PLCB4: variants seen among roughly 807,000 people sequenced by gnomAD.
PLCB4 encodes the protein 1-phosphatidylinositol 4,5-bisphosphate phosphodiesterase beta-4.
In PLCB4, 77 loss-of-function variants were observed where a neutral mutation model predicts 178.8. The ratio of observed to expected loss-of-function variants is 0.43; its 90% CI spans 0.36 to 0.52. The LOEUF (loss-of-function observed/expected upper bound fraction) is 0.52. Among genes scored for constraint, PLCB4 ranks in the 20% least tolerant of loss-of-function variants. The probability of loss-of-function intolerance (pLI) is 0.00; values close to 1 mark genes in which losing one functional copy is unlikely to be tolerated. For synonymous variants in PLCB4, 496 were observed against 490.8 expected, an observed-to-expected ratio of 1.01 and a Z score of -0.14; for missense variants, 1,024 against 1,453.4, an observed-to-expected ratio of 0.70 and a Z score of 4.80.
At chr20:9,085,146 A>G (rs2090348200) in intron 1 of PLCB4, among the ~76,000 whole-genome samples, 1 of 152,022 alleles carries the variant, frequency 6.6e-6, no homozygotes, top group Non-Finnish European at 1.5e-5. Context: ...TTTATTAGTT[A>G]GGTAATGCAT....
At chr20:9,416,487 C>T (rs1439001864) in intron 25 of PLCB4, among the ~76,000 whole-genome samples, 2 of 152,190 alleles carry the variant, frequency 1.3e-5, no homozygotes, top group Non-Finnish European at 2.9e-5. Flanking sequence ...GCCAGACCCA[C>T]CATTGTTACC....
At chr20:9,311,421 C>A (rs1169005512) in intron 4 of PLCB4, among the ~76,000 whole-genome samples, 2 of 152,266 alleles carry the variant, frequency 1.3e-5, no homozygotes, top group Non-Finnish European at 2.9e-5. Flanking sequence ...CACACCAAGA[C>A]AACTTTAAGA....
At chr20:9,218,548 T>G (rs1041824740) in intron 3 of PLCB4, among the ~76,000 whole-genome samples, 1 of 152,212 alleles carries the variant, frequency 6.6e-6, no homozygotes, top group African/African-American at 2.4e-5. Flanking sequence ...TCCTGGAGGA[T>G]CTGTTCCTCT....
Position 9,151,991 on chromosome 20 carries a change from A to G in PLCB4, c.-79+55649A>G, listed in dbSNP as rs181836822. Among the ~76,000 whole-genome samples the G allele has an allele frequency of 9.2e-5, 14 of 152,286 alleles. No homozygotes were observed. In the East Asian group the frequency reaches 2.7e-3, roughly 30 times the overall value. ...GGTGACTCTTATTATGTTTTGGCAA[A>G]GAGAATGGCAGCATTTTGCCCCTGC... On this transcript the variant is annotated intron_variant, in intron 2 of 39. Coordinates refer to ENST00000378473, the MANE Select transcript of PLCB4 (RefSeq NM_001377142.1).
At chr20:9,403,255 G>A (rs58644125) in intron 20 of PLCB4, among the ~76,000 whole-genome samples, 1,690 of 152,232 alleles carry the variant, frequency 0.011, 21 homozygotes, top group African/African-American at 0.032. Context: ...TCAAAAGATC[G>A]TATTTGAAAC....
intron 3 of PLCB4, among the ~76,000 whole-genome samples, chr20:9,246,132 C>T (rs2094122945): frequency 6.6e-6 from 1 of 152,140 alleles, no homozygotes; most frequent in East Asian, 1.9e-4. Context: ...TATTACAGTA[C>T]TGTTAAACAC....
intron 3 of PLCB4, among the ~76,000 whole-genome samples, chr20:9,298,781 A>G (rs1326870246): frequency 6.6e-6 from 1 of 152,084 alleles, no homozygotes; most frequent in East Asian, 1.9e-4. Flanking sequence ...CCCCTCAATT[A>G]TGATTAATAT....
chr20:9,421,484 A>C (rs1482374483), intron 27 of PLCB4, 23 bp downstream of exon 27: 1 of 1,598,394 alleles, frequency 6.3e-7, no homozygotes, highest in Admixed American at 1.7e-5. Flanking sequence ...CAGCACGTCA[A>C]ACTTACTCTA....
At chr20:9,111,316 A>G (rs1404293233) in intron 2 of PLCB4, among the ~76,000 whole-genome samples, 1 of 152,134 alleles carries the variant, frequency 6.6e-6, no homozygotes, top group African/African-American at 2.4e-5. Context: ...TGTTTGTTTT[A>G]CGAAATTGAG....
intron 25 of PLCB4, among the ~76,000 whole-genome samples, chr20:9,414,273 C>G (rs542586143): frequency 6.6e-6 from 1 of 152,320 alleles, no homozygotes; most frequent in South Asian, 2.1e-4. Flanking sequence ...AATTCCCCTT[C>G]CCATACACCC....
Position 9,401,560 on chromosome 20 carries a change from C to T in PLCB4, c.1581C>T (p.His527=). Residue 527 remains histidine (H), a synonymous_variant, in exon 20 of 40, where the codon CAC becomes CAT. Transcript: ENST00000378473. ...GNELSADDLG[H]KEAVANSVKK... ...AACTTTCTGCTGATGACTTGGGTCA[C>T]AAGGAAGCTGTTGCAAATAGCGTCA... is the stretch of plus-strand genomic sequence containing the variant. The T allele has an allele frequency of 3.1e-6, 5 of 1,613,468 alleles. No individual in the cohort carries two copies. Among genetic ancestry groups the T allele is most frequent in the Middle Eastern group, 1.6e-4 (1 of 6,062 alleles).
intron 4 of PLCB4, among the ~76,000 whole-genome samples, chr20:9,327,171 G>T (rs1435960899): frequency 6.6e-6 from 1 of 152,054 alleles, no homozygotes; most frequent in Non-Finnish European, 1.5e-5. Context: ...AGGTGCAGTG[G>T]CTCATGCTTA....
chr20:9,229,730 G>A (rs903676287), intron 3 of PLCB4, among the ~76,000 whole-genome samples: 5 of 151,880 alleles, frequency 3.3e-5, no homozygotes, highest in South Asian at 2.1e-4. Context: ...GGGCATATGT[G>A]CAGGATGTGC....
At position 9,355,372 on chromosome 20, in the gene PLCB4, C is replaced by A. The variant is rs8116707; in HGVS notation, c.370-7524C>A. 3.8e-3 allele frequency among the ~76,000 whole-genome samples: 574 copies of A among 151,900 alleles called. 8 individuals carry two copies. The highest frequency in any genetic ancestry group is 0.013 in the African/African-American group (555 of 41,388). On this transcript the variant is annotated intron_variant, in intron 7 of 39. Coordinates refer to ENST00000378473, the MANE Select transcript of PLCB4 (RefSeq NM_001377142.1). ...GGTTAGTTACATATGTATACATGTA[C>A]CATGCTGGTGTGCTGCACCCATTAA...
intron 3 of PLCB4, among the ~76,000 whole-genome samples, chr20:9,219,080 A>C (rs2093766776): frequency 6.6e-6 from 1 of 152,250 alleles, no homozygotes; most frequent in South Asian, 2.1e-4. Context: ...AGTCCAAAAA[A>C]AGAACCCCAG....
intron 6 of PLCB4, among the ~76,000 whole-genome samples, chr20:9,338,667 G>A (rs1175862926): frequency 6.6e-6 from 1 of 152,082 alleles, no homozygotes; most frequent in Non-Finnish European, 1.5e-5. Context: ...ACAGAGCAGA[G>A]ACTCTGTACC....
intron 19 of PLCB4, among the ~76,000 whole-genome samples, chr20:9,400,516 T>C (rs73895795): frequency 0.077 from 11,737 of 152,176 alleles, 1,452 homozygotes; most frequent in African/African-American, 0.26. Flanking sequence ...TCATTTCCTT[T>C]CTGAATTTCT....
At chr20:9,313,423 G>A (rs2094859829) in intron 4 of PLCB4, among the ~76,000 whole-genome samples, 1 of 152,196 alleles carries the variant, frequency 6.6e-6, no homozygotes, top group African/African-American at 2.4e-5. Context: ...AAGAGGGAAG[G>A]TTGGTAGTTG....
rs1454691480 is a variant in PLCB4, at chr20:9,459,717, A to G, written c.3155A>G (p.Asp1052Gly). 1 of 1,612,304 alleles carries G rather than the reference A, an allele frequency of 6.2e-7. No homozygotes were observed. The highest frequency in any genetic ancestry group is 1.3e-5 in the African/African-American group (1 of 74,892). The change falls in exon 35 of 40, where the codon GAC becomes GGC. Residue 1052 changes from aspartate to glycine, a missense_variant. This residue lies in a region of PLCB4 where 264 missense variants were observed against 283.2 expected (regional missense o/e 0.93). Transcript: ENST00000378473. ...THSAEEQEIR[D>G]LHLSQQCELL... ...AGTGCTGAGGAGCAAGAAATCCGAGACCTGCACCTCAGCCAGCAGTGTGAG... is the reference window on the plus strand; with the variant it reads ...AGTGCTGAGGAGCAAGAAATCCGAGGCCTGCACCTCAGCCAGCAGTGTGAG...
Sources: allele counts gnomAD v4.1 joint callset (sites outside exome capture counted in the v4.1 genomes callset), GRCh38; gene constraint gnomAD v4.1.1; regional missense constraint gnomAD v4.1.1; transcripts MANE v1.5; gene names NCBI Gene and HGNC (gene_info 2026-07-23, HGNC 2026-07-21).